Variants in ZNF536 observed in about 807,000 individuals in gnomAD.
ZNF536 encodes zinc finger protein 536.
A neutral mutation model predicts 84.5 loss-of-function variants in ZNF536; 13 were observed. The observed-to-expected ratio is 0.15, with a 90% CI of 0.10 to 0.24. The LOEUF (loss-of-function observed/expected upper bound fraction) is 0.24, where lower values mean the gene tolerates loss of function less well. Ranked by LOEUF, ZNF536 falls within the 10% of genes least tolerant of loss-of-function variation. The pLI is 1.00. For synonymous variants in ZNF536, 811 were observed against 742.5 expected (o/e 1.09, Z -1.50); for missense variants, 1,536 against 1,747.5 (o/e 0.88, Z 2.16).
Position 30,451,852 on chromosome 19 carries a change from C to T in ZNF536, c.2170+6120C>T, listed in dbSNP as rs1004228239. Reference sequence around the variant, plus strand: ...TCCCTATGCATGTTAGCGCAAGGGACGGAACAGTTCATTTAAACCTAAATT... The same window carrying T: ...TCCCTATGCATGTTAGCGCAAGGGATGGAACAGTTCATTTAAACCTAAATT... On this transcript the variant is annotated intron_variant, in intron 2 of 4. Coordinates refer to ENST00000355537, the MANE Select transcript of ZNF536 (RefSeq NM_014717.3). 9.2e-5 allele frequency among the ~76,000 whole-genome samples: 14 copies of T among 152,150 alleles called. 1 individual carries two copies. The South Asian group carries it at 2.9e-3, about 32-fold the overall frequency.
chr19:30,494,425 G>T (rs1264145494), intron 2 of ZNF536, among the ~76,000 whole-genome samples: 1 of 152,190 alleles, frequency 6.6e-6, no homozygotes, highest in Admixed American at 6.5e-5. Flanking sequence ...AAGGCACCTG[G>T]TAAGGCTGGG....
chr19:30,523,488 G>C (rs867850323), intron 2 of ZNF536, among the ~76,000 whole-genome samples: 1 of 152,128 alleles, frequency 6.6e-6, no homozygotes, highest in Non-Finnish European at 1.5e-5. Flanking sequence ...GGGGCTTTTG[G>C]ACTGCAAACC....
chr19:30,658,225 T>C (rs750949017), intron 1 of ZNF536, among the ~76,000 whole-genome samples: 5 of 152,114 alleles, frequency 3.3e-5, no homozygotes, highest in Non-Finnish European at 5.9e-5. Context: ...ATTCATCATA[T>C]TGGCCAGACT....
intron 1 of ZNF536, among the ~76,000 whole-genome samples, chr19:30,644,354 T>G (rs1342904009): frequency 1.3e-5 from 2 of 152,150 alleles, no homozygotes; most frequent in Non-Finnish European, 2.9e-5. Flanking sequence ...AAGCCTATAG[T>G]GGACATTTCT....
At chr19:30,487,771 A>G (rs1237607078) in intron 2 of ZNF536, among the ~76,000 whole-genome samples, 1 of 152,192 alleles carries the variant, frequency 6.6e-6, no homozygotes, top group East Asian at 1.9e-4. Flanking sequence ...AGAAAATGAC[A>G]ATTTCCCCCA....
chr19:30,326,818 T>G (rs2047054175), intron 2 of ZNF536, among the ~76,000 whole-genome samples: 3 of 143,746 alleles, frequency 2.1e-5, no homozygotes, highest in Non-Finnish European at 4.5e-5. Flanking sequence ...TTTTTTTTTT[T>G]GTTTTCTAGT....
rs1224981254 is a variant in ZNF536, at chr19:30,547,855, A to G, written c.2324-88A>G. ...TTATTAGTTTGAGCTGCTTTGTTTC[A>G]AAGAACAAATGTTGATCCTTCCAGC... On this transcript the variant is annotated intron_variant, in intron 3 of 4. Transcript: ENST00000355537. 14 of 1,440,388 alleles carry G rather than the reference A, an allele frequency of 9.7e-6. No individual in the cohort carries two copies. The African/African-American group carries it at 1.6e-4, about 16-fold the overall frequency. 89.2% of individuals were successfully genotyped at this position (1,440,388 alleles called of 1,614,324 possible). A position where few individuals can be genotyped will look rare whatever the true frequency, so the allele number is the denominator to read the frequency against.
In ZNF536 at chr19:30,445,981, C is replaced by T. The variant is rs1220799193; in HGVS notation, c.2170+249C>T. On this transcript the variant is annotated intron_variant, in intron 2 of 4. Transcript: ENST00000355537. The surrounding 1 kb of genome is among the most constrained non-coding windows in gnomAD (Gnocchi z 4.5). Reference sequence around the variant, plus strand: ...AGTAAGTTGAGGCCGGGTGTGGTGGCTCACGCCTGTAATCCCAGCACTTTG... The same window carrying T: ...AGTAAGTTGAGGCCGGGTGTGGTGGTTCACGCCTGTAATCCCAGCACTTTG... 2.0e-5 allele frequency among the ~76,000 whole-genome samples: 3 copies of T among 152,106 alleles called. No homozygotes were observed. The highest frequency in any genetic ancestry group is 4.4e-5 in the Non-Finnish European group (3 of 68,014).
In ZNF536 at chr19:30,486,536, A is replaced by C. The variant is rs1456330662; in HGVS notation, c.2170+40804A>C. Reference sequence around the variant, plus strand: ...TTTAGGTTGATTCCATGTCTTTGCTATTGTGAATAGTGCTGCAGTGAACAT... The same window carrying C: ...TTTAGGTTGATTCCATGTCTTTGCTCTTGTGAATAGTGCTGCAGTGAACAT... On this transcript the variant is annotated intron_variant, in intron 2 of 4. Transcript: ENST00000355537. Among the ~76,000 whole-genome samples, 3 of 152,146 alleles carry C rather than the reference A, an allele frequency of 2.0e-5. No homozygotes were observed. In the East Asian group the frequency reaches 5.8e-4, roughly 29 times the overall value.
At chr19:30,597,088 G>T (rs898206328) in intron 1 of ZNF536, among the ~76,000 whole-genome samples, 2 of 152,154 alleles carry the variant, frequency 1.3e-5, no homozygotes, top group African/African-American at 4.8e-5. Context: ...GTGCTAGGCT[G>T]ACCAGTCTAG....
intron 2 of ZNF536, among the ~76,000 whole-genome samples, chr19:30,334,642 T>C (rs1219284810): frequency 6.6e-6 from 1 of 152,222 alleles, no homozygotes; most frequent in East Asian, 1.9e-4. Context: ...ACTGTGATCA[T>C]GCTGTGAGGA....
intron 2 of ZNF536, among the ~76,000 whole-genome samples, chr19:30,343,250 G>A (rs781487857): frequency 8.5e-5 from 13 of 152,226 alleles, no homozygotes; most frequent in South Asian, 2.1e-4. Context: ...AAACAGTGTC[G>A]GCTTCATACC....
intron 1 of ZNF536, among the ~76,000 whole-genome samples, chr19:30,398,601 C>T (rs2147461400): frequency 6.6e-6 from 1 of 152,222 alleles, no homozygotes; most frequent in South Asian, 2.1e-4. Flanking sequence ...CATGTGTTCT[C>T]ATTGTTCAGC....
At chr19:30,502,177 G>A (rs1184182079) in intron 2 of ZNF536, among the ~76,000 whole-genome samples, 1 of 152,208 alleles carries the variant, frequency 6.6e-6, no homozygotes, top group Non-Finnish European at 1.5e-5. Flanking sequence ...GTCTACTCCA[G>A]GGAGAACAGA....
intron 2 of ZNF536, among the ~76,000 whole-genome samples, chr19:30,340,859 G>A (rs2047543386): frequency 6.6e-6 from 1 of 152,188 alleles, no homozygotes; most frequent in African/African-American, 2.4e-5. Context: ...CTCTCAGAGA[G>A]AGAGAGAGAG....
chr19:30,427,339 G>T (rs2051259588), intron 1 of ZNF536, among the ~76,000 whole-genome samples: 1 of 152,246 alleles, frequency 6.6e-6, no homozygotes, highest in Non-Finnish European at 1.5e-5. Flanking sequence ...GTGATAGGAA[G>T]AGAGATAAGG....
intron 2 of ZNF536, among the ~76,000 whole-genome samples, chr19:30,469,197 G>C (rs912306318): frequency 6.6e-6 from 1 of 152,162 alleles, no homozygotes; most frequent in African/African-American, 2.4e-5. Flanking sequence ...GGTGGATCAC[G>C]AGGTCAGGAG....
chr19:30,643,818 T>C (rs1375449670), intron 1 of ZNF536, among the ~76,000 whole-genome samples: 1 of 152,154 alleles, frequency 6.6e-6, no homozygotes, highest in Non-Finnish European at 1.5e-5. Flanking sequence ...TTTCTCCTCT[T>C]AGTGAATATT....
chr19:30,649,834 T>A (rs1381173523), intron 1 of ZNF536, among the ~76,000 whole-genome samples: 1 of 152,202 alleles, frequency 6.6e-6, no homozygotes, highest in Non-Finnish European at 1.5e-5. Flanking sequence ...TTGCCTATCC[T>A]GTCTGACGTT....
Sources: gnomAD v4.1 joint callset for allele counts (sites outside exome capture counted in the v4.1 genomes callset) on GRCh38, gnomAD v4.1.1 for gene constraint, Gnocchi (gnomAD v3.1) non-coding constraint, MANE v1.5 for transcripts, NCBI Gene and HGNC (gene_info 2026-07-23, HGNC 2026-07-21) for gene names.